HHLA1: variants seen among roughly 807,000 people sequenced by gnomAD.
HHLA1 encodes the protein HHLA1 neighbor of OC90.
In HHLA1, 72 loss-of-function variants were observed where a neutral mutation model predicts 69.9. The ratio of observed to expected loss-of-function variants is 1.03; its 90% CI spans 0.85 to 1.25. The LOEUF (loss-of-function observed/expected upper bound fraction) is 1.25, where lower values mean the gene tolerates loss of function less well. Among genes scored for constraint, HHLA1 ranks in the 50% most tolerant of loss-of-function variants. HHLA1 has a pLI of 0.00. For synonymous variants in HHLA1, 252 were observed against 233.2 expected (o/e 1.08, Z -0.73); for missense variants, 685 against 642.2 (o/e 1.07, Z -0.72).
At chr8:132,107,507 G>A (rs1343771926) in intron 1 of HHLA1, among the ~76,000 whole-genome samples, 3 of 151,986 alleles carry the variant, frequency 2.0e-5, no homozygotes, top group Non-Finnish European at 4.4e-5. Flanking sequence ...CTCCATGTTG[G>A]TCAGGCTGGT....
At chr8:132,075,767 C>T (rs893806628) in intron 14 of HHLA1, among the ~76,000 whole-genome samples, 1 of 152,202 alleles carries the variant, frequency 6.6e-6, no homozygotes, top group African/African-American at 2.4e-5. Flanking sequence ...ACTTCCAAAC[C>T]ACTTCCACAA....
chr8:132,067,579 G>C (rs1222006151), intron 15 of HHLA1, among the ~76,000 whole-genome samples: 3 of 152,136 alleles, frequency 2.0e-5, no homozygotes, highest in Admixed American at 2.0e-4. Context: ...AACATGTCAA[G>C]GGTGCTAGCA....
At position 132,064,041 on chromosome 8, in the gene HHLA1, G is replaced by A; in HGVS notation, c.1553-3C>T. ...CTCAAGGCACTTTTGCTTTAAGGCT[G>A]AAAAAAAAGCAGAAGAAGAAGGAAC... On this transcript the variant is annotated splice_polypyrimidine_tract_variant and splice_region_variant and intron_variant, in intron 16 of 16. Coordinates refer to ENST00000414222, the MANE Select transcript of HHLA1 (RefSeq NM_001145095.3). The A allele has an allele frequency of 6.9e-6, 9 of 1,298,684 alleles. No individual in the cohort carries two copies. The highest frequency in any genetic ancestry group is 9.1e-6 in the Non-Finnish European group (9 of 984,752). The allele number at this position is 1,298,684 out of a possible 1,614,324, so 80.4% of individuals were successfully genotyped here. A position where few individuals can be genotyped will look rare whatever the true frequency, so the allele number is the denominator to read the frequency against.
At chr8:132,105,054 T>G (rs1824181087) in intron 2 of HHLA1, 133 bp downstream of exon 2, 1 of 707,718 alleles carries the variant, frequency 1.4e-6, no homozygotes, top group African/African-American at 1.8e-5. Flanking sequence ...AGTAGGGAAG[T>G]TATTCTTGCC....
intron 3 of HHLA1, among the ~76,000 whole-genome samples, chr8:132,103,482 G>T (rs1824149340): frequency 6.6e-6 from 1 of 152,100 alleles, no homozygotes; most frequent in South Asian, 2.1e-4. Context: ...ATCCAGGTGT[G>T]GTGGTACATG....
intron 16 of HHLA1, among the ~76,000 whole-genome samples, chr8:132,065,173 C>T (rs1460114084): frequency 6.6e-6 from 1 of 152,154 alleles, no homozygotes; most frequent in Non-Finnish European, 1.5e-5. Context: ...AGTTTTGAAG[C>T]TACCAGGACA....
At position 132,079,823 on chromosome 8, in the gene HHLA1, C is replaced by T. The variant is rs1275864551; in HGVS notation, c.820G>A (p.Ala274Thr). The T allele has an allele frequency of 7.1e-6, 11 of 1,551,618 alleles. No individual in the cohort carries two copies. The highest frequency in any genetic ancestry group is 8.7e-6 in the Non-Finnish European group (10 of 1,147,008). The stretch of plus-strand genomic sequence containing the variant: ...AGGGTCTCCTCTGTTTCTGAAGGAG[C>T]AGCTGTCTCTGTCCAGGGAGAGGAT... The part of the protein sequence containing the change: ...LRSSPWTETA[A>T]PSETEETLNT... Residue 274 changes from alanine (A) to threonine (T), a missense_variant, in exon 11 of 17, where the codon GCT becomes ACT. Coordinates refer to ENST00000414222, the MANE Select transcript of HHLA1 (RefSeq NM_001145095.3).
intron 8 of HHLA1, among the ~76,000 whole-genome samples, chr8:132,089,189 C>G (rs768848608): frequency 2.6e-5 from 4 of 152,150 alleles, no homozygotes; most frequent in Non-Finnish European, 5.9e-5. Context: ...AATATTCAAC[C>G]TCTCTGGATC....
intron 14 of HHLA1, among the ~76,000 whole-genome samples, chr8:132,075,516 A>C: frequency 6.6e-6 from 1 of 152,212 alleles, no homozygotes; most frequent in South Asian, 2.1e-4. Flanking sequence ...CTTCGTCTAG[A>C]TCCATGAGAA....
intron 7 of HHLA1, among the ~76,000 whole-genome samples, chr8:132,094,764 C>A (rs1326096376): frequency 6.6e-6 from 1 of 152,182 alleles, no homozygotes; most frequent in Non-Finnish European, 1.5e-5. Flanking sequence ...CGCTAGGAAT[C>A]TATGTCCCAC....
intron 8 of HHLA1, among the ~76,000 whole-genome samples, chr8:132,088,226 T>G (rs1254403910): frequency 6.6e-6 from 1 of 152,156 alleles, no homozygotes; most frequent in East Asian, 1.9e-4. Flanking sequence ...ATGGTGAAAA[T>G]TCAAATCCCA....
intron 15 of HHLA1, among the ~76,000 whole-genome samples, chr8:132,066,828 T>C (rs1218244094): frequency 6.6e-6 from 1 of 152,198 alleles, no homozygotes; most frequent in African/African-American, 2.4e-5. Flanking sequence ...ATTAAATGAC[T>C]TCCCCAAGGG....
chr8:132,099,034 C>T, intron 4 of HHLA1, 72 bp from the exon 5 acceptor site: 1 of 1,161,384 alleles, frequency 8.6e-7, no homozygotes, highest in Non-Finnish European at 1.2e-6. Context: ...CATTTCCAAA[C>T]TTCAGGCAGA....
intron 7 of HHLA1, among the ~76,000 whole-genome samples, chr8:132,094,958 A>G (rs912852520): frequency 1.3e-5 from 2 of 152,224 alleles, no homozygotes; most frequent in Non-Finnish European, 2.9e-5. Flanking sequence ...TTTTATTTAT[A>G]AAACTAGCAT....
chr8:132,106,087 C>G (rs1748120155), intron 1 of HHLA1, among the ~76,000 whole-genome samples: 2 of 152,230 alleles, frequency 1.3e-5, no homozygotes, highest in East Asian at 1.9e-4. Flanking sequence ...GATAACTGTA[C>G]AGTCTTTCTG....
chr8:132,072,199 G>A (rs564591789), intron 14 of HHLA1, among the ~76,000 whole-genome samples: 85 of 152,238 alleles, frequency 5.6e-4, no homozygotes, highest in Non-Finnish European at 1.0e-3. Flanking sequence ...GAAGGCCAAA[G>A]ATAAAAGAAG....
intron 14 of HHLA1, 61 bp from the exon 15 acceptor site, chr8:132,071,554 G>T: frequency 1.4e-6 from 2 of 1,471,242 alleles, no homozygotes; most frequent in South Asian, 2.5e-5. Flanking sequence ...TCTTCTCTTC[G>T]TTAAGCCCTG....
At chr8:132,076,253 C>CA in intron 13 of HHLA1, 124 bp from the exon 14 acceptor site, 2 of 800,542 alleles carry the variant, frequency 2.5e-6, no homozygotes, top group Non-Finnish European at 4.0e-6. Flanking sequence ...AAATGATAGC[C>CA]AAAAAAGGGG....
In HHLA1 at chr8:132,089,575, A is replaced by G; in HGVS notation, c.473T>C (p.Ile158Thr). 6.7e-7 allele frequency: 1 copy of G among 1,502,704 alleles called. No individual in the cohort carries two copies. 93.1% of individuals were successfully genotyped at this position (1,502,704 alleles called of 1,614,324 possible). Residue 158 changes from isoleucine to threonine, a missense_variant, in exon 8 of 17, where the codon ATC becomes ACC. Transcript: ENST00000414222. ...GAGGTAGCTGGTAGAATTGCCGATGATATCTACCAGTAGAGCTGTAAAATC... is the reference window on the plus strand; with the variant it reads ...GAGGTAGCTGGTAGAATTGCCGATGGTATCTACCAGTAGAGCTGTAAAATC... Reference protein sequence around the residue: ...LSDFTALLVDIIGNSTSYLTE... With the variant: ...LSDFTALLVDTIGNSTSYLTE...
Sources: allele counts gnomAD v4.1 joint callset (sites outside exome capture counted in the v4.1 genomes callset), GRCh38; gene constraint gnomAD v4.1.1; transcripts MANE v1.5; gene names NCBI Gene and HGNC (gene_info 2026-07-23, HGNC 2026-07-21).